The following RAD52 variants were observed in gnomAD, a reference collection of about 807,000 sequenced individuals.
RAD52 encodes the protein RAD52 DNA repair protein.
Under a neutral mutation model 55.5 loss-of-function variants are expected in RAD52, and 47 were observed. The ratio of observed to expected loss-of-function variants is 0.85; its 90% CI spans 0.67 to 1.08. The LOEUF (loss-of-function observed/expected upper bound fraction) is 1.08. Among genes scored for constraint, RAD52 ranks in the 50% least tolerant of loss-of-function variants. The pLI is 0.00. For synonymous variants in RAD52, 184 were observed against 198.9 expected (o/e 0.92, Z 0.63); for missense variants, 468 against 522.8 (o/e 0.90, Z 1.02).
chr12:912,527 A>ATTC lies in RAD52; in HGVS notation c.*861_*863dup, dbSNP rs61409471. ...CATTTCAGATAAGCAATATATATAT[A>ATTC]TTCTATTTTGTTAATAAGGTATACG... On this transcript the variant is annotated 3_prime_UTR_variant, in exon 12 of 12. Transcript: ENST00000358495. 80,062 of 183,966 alleles carry ATTC rather than the reference A, an allele frequency of 0.44. 17,727 individuals are homozygous for ATTC. The highest frequency in any genetic ancestry group is 0.52 in the Admixed American group (8,269 of 15,994). 11.4% of individuals were successfully genotyped at this position (183,966 alleles called of 1,614,324 possible). A position where few individuals can be genotyped will look rare whatever the true frequency, so the allele number is the denominator to read the frequency against.
At chr12:925,348 C>G in intron 7 of RAD52, 102 bp downstream of exon 7, 4 of 955,274 alleles carry the variant, frequency 4.2e-6, no homozygotes, top group Non-Finnish European at 6.8e-6. Context: ...CTCTAAAGAG[C>G]TGAGTCCTCA....
chr12:986,435 C>T (rs1959087053), intron 1 of RAD52, among the ~76,000 whole-genome samples: 1 of 152,024 alleles, frequency 6.6e-6, no homozygotes, highest in Non-Finnish European at 1.5e-5. Flanking sequence ...CATTATAGTG[C>T]ACTGCAGCCT....
intron 1 of RAD52, among the ~76,000 whole-genome samples, chr12:954,828 A>G (rs993376146): frequency 1.3e-5 from 2 of 152,234 alleles, no homozygotes; most frequent in African/African-American, 4.8e-5. Context: ...TTTCCTTGAT[A>G]CATGGCATTG....
chr12:929,651 T>G (rs780854064), intron 5 of RAD52, 168 bp downstream of exon 5: 2 of 794,866 alleles, frequency 2.5e-6, no homozygotes, highest in Non-Finnish European at 4.6e-6. Flanking sequence ...TCCATTCTTT[T>G]AGGGAGCACA....
At chr12:924,219 C>T (rs1014864792) in intron 7 of RAD52, among the ~76,000 whole-genome samples, 3 of 151,966 alleles carry the variant, frequency 2.0e-5, no homozygotes, top group Admixed American at 1.3e-4. Context: ...ACCAGCCTGA[C>T]CAAGATGGTG....
chr12:978,976 T>TA (rs1053414837), intron 1 of RAD52, among the ~76,000 whole-genome samples: 22 of 151,224 alleles, frequency 1.5e-4, no homozygotes, highest in South Asian at 4.2e-4. Flanking sequence ...TGTAAAACTT[T>TA]AAAAAAAAAG....
chr12:987,936 T>C (rs1959107181), intron 1 of RAD52, among the ~76,000 whole-genome samples: 1 of 152,100 alleles, frequency 6.6e-6, no homozygotes, highest in African/African-American at 2.4e-5. Context: ...TCCTAAAGTG[T>C]TGGGATTACA....
chr12:941,878 C>A (rs1008935693), intron 1 of RAD52, among the ~76,000 whole-genome samples: 6 of 152,192 alleles, frequency 3.9e-5, no homozygotes, highest in Admixed American at 2.6e-4. Flanking sequence ...CTCAGCTGAT[C>A]TGCCCGCTGC....
intron 5 of RAD52, among the ~76,000 whole-genome samples, 182 bp from the exon 6 acceptor site, chr12:927,445 C>G (rs1360260503): frequency 6.6e-6 from 1 of 152,094 alleles, no homozygotes; most frequent in Admixed American, 6.5e-5. Flanking sequence ...CCTGGGCTGC[C>G]TGGACATGTG....
In RAD52 at chr12:968,989, T is replaced by G. The variant is rs555772287; in HGVS notation, c.-19+20820A>C. ...TCAACCAACTGGAGATAAAAAATAT[T>G]TGGACAAGAAAATGGATGGCTGCAT... On this transcript the variant is annotated intron_variant, in intron 1 of 11. Transcript: ENST00000430095. Among the ~76,000 whole-genome samples the G allele has an allele frequency of 3.4e-4, 51 of 152,194 alleles. 1 individual carries two copies. Among genetic ancestry groups the G allele is most frequent in the African/African-American group, 1.2e-3 (48 of 41,460 alleles).
At chr12:965,911 G>GA in intron 1 of RAD52, among the ~76,000 whole-genome samples, 1 of 151,918 alleles carries the variant, frequency 6.6e-6, no homozygotes, top group Non-Finnish European at 1.5e-5. Context: ...ATCTCGAACT[G>GA]CTGACCTCAT....
chr12:921,838 G>T (rs1196823236), intron 7 of RAD52, among the ~76,000 whole-genome samples: 1 of 151,924 alleles, frequency 6.6e-6, no homozygotes, highest in Non-Finnish European at 1.5e-5. Context: ...GGGTGCGGGG[G>T]CTCACACCTG....
chr12:978,391 A>G (rs1013607848), intron 1 of RAD52, among the ~76,000 whole-genome samples: 2 of 152,234 alleles, frequency 1.3e-5, no homozygotes, highest in African/African-American at 4.8e-5. Flanking sequence ...AAGGATGTGC[A>G]GTCAGAATAC....
At chr12:924,903 C>T (rs1178014499) in intron 7 of RAD52, among the ~76,000 whole-genome samples, 4 of 151,760 alleles carry the variant, frequency 2.6e-5, no homozygotes, top group East Asian at 1.9e-4. Flanking sequence ...ACTACCTACA[C>T]GTACACAAAT....
At chr12:953,028 C>T (rs1290556960), upstream of RAD52, among the ~76,000 whole-genome samples, 1 of 25,430 alleles carries the variant, frequency 3.9e-5, no homozygotes, top group African/African-American at 1.7e-4. Flanking sequence ...GGAAGGGAGA[C>T]GCCCGGGCCA....
rs895469125 is a variant in RAD52 at position 931,241 on chromosome 12, G to A, written c.165C>T (p.Arg55=). 1.2e-6 allele frequency: 2 copies of A among 1,612,448 alleles called. No homozygotes were observed. Among genetic ancestry groups the A allele is most frequent in the Admixed American group, 3.3e-5 (2 of 59,900 alleles). The change falls in exon 3 of 12, where the codon CGC becomes CGT. Residue 55 remains arginine, a synonymous_variant. Coordinates refer to ENST00000358495, the MANE Select transcript of RAD52 (RefSeq NM_134424.4). ...QRLGPEYISS[R]MAGGGQKVCY... is the part of the protein sequence containing the mutation. ...CTACCTTCTGGCCTCCGCCAGCCAT[G>A]CGGCTACTTATGTATTCTGGGCCCA... is the stretch of plus-strand genomic sequence containing the variant.
chr12:931,414 A>C (rs763018516), intron 2 of RAD52, 93 bp from the exon 3 acceptor site: 133 of 916,092 alleles, frequency 1.5e-4, no homozygotes, highest in Non-Finnish European at 2.1e-4. Flanking sequence ...TACTCTTAAA[A>C]AGACCCCCCA....
At position 927,130 on chromosome 12, in the gene RAD52, C is replaced by T; in HGVS notation, c.467+15G>A. Reference sequence around the variant, plus strand: ...GCTGAAATGACGCAGGTTAGACTCCCAGCCCCGCGCTCACCTGAGGGCTCG... The same window carrying T: ...GCTGAAATGACGCAGGTTAGACTCCTAGCCCCGCGCTCACCTGAGGGCTCG... On this transcript the variant is annotated intron_variant, in intron 6 of 11. Coordinates refer to ENST00000358495, the MANE Select transcript of RAD52 (RefSeq NM_134424.4). The T allele has an allele frequency of 6.2e-7, 1 of 1,608,148 alleles. No individual in the cohort carries two copies. Among genetic ancestry groups the T allele is most frequent in the South Asian group, 1.1e-5 (1 of 90,954 alleles).
chr12:957,586 G>A (rs1442835902), intron 1 of RAD52, among the ~76,000 whole-genome samples: 3 of 151,768 alleles, frequency 2.0e-5, no homozygotes, highest in African/African-American at 7.3e-5. Flanking sequence ...AGGAGTTCGA[G>A]ATCATCCTGG....
Sources: gnomAD v4.1 joint callset for allele counts (sites outside exome capture counted in the v4.1 genomes callset) on GRCh38, gnomAD v4.1.1 for gene constraint, MANE v1.5 for transcripts, NCBI Gene and HGNC (gene_info 2026-07-23, HGNC 2026-07-21) for gene names.